The following PCDHGC5 variants were observed in gnomAD, a reference collection of about 807,000 sequenced individuals.
PCDHGC5 encodes the protein protocadherin gamma subfamily C, 5, also known as protocadherin gamma-C5.
In PCDHGC5, 25 loss-of-function variants were observed where a neutral mutation model predicts 59.0. The ratio of observed to expected loss-of-function variants is 0.42; its 90% CI spans 0.31 to 0.59. The LOEUF is 0.59. PCDHGC5 is among the 20% of genes least tolerant of loss of function. The pLI, the probability that PCDHGC5 is intolerant of heterozygous loss-of-function variation, is 0.13. For missense variants in PCDHGC5, 1,067 were observed against 1,206.4 expected, an observed-to-expected ratio of 0.88 and a Z score of 1.71; for synonymous variants, 434 against 505.5, an observed-to-expected ratio of 0.86 and a Z score of 1.90.
In PCDHGC5 at chr5:141,512,848, G is replaced by C. The variant is rs1362051688; in HGVS notation, c.*1675G>C. The C allele has an allele frequency of 6.6e-6, 1 of 152,216 alleles. No individual in the cohort carries two copies. 9.4% of individuals were successfully genotyped at this position (152,216 alleles called of 1,614,324 possible). ...CCCCGTACTGACTTCTCCTATAAGC[G>C]CTTCTCTTCGCATAGTCACGTAGCT... On this transcript the variant is annotated 3_prime_UTR_variant, in exon 4 of 4. Transcript: ENST00000252087.
At position 141,491,422 on chromosome 5, in the gene PCDHGC5, G is replaced by T. The variant is rs1413549196; in HGVS notation, c.2182G>T (p.Gly728Trp). 1 of 1,614,112 alleles carries T rather than the reference G, an allele frequency of 6.2e-7. No homozygotes were observed. The stretch of plus-strand genomic sequence containing the variant: ...AAACGCAGACGGGGACGGGGGTGGA[G>T]GGCAGTGCTGCAGGCGCCAGGACTC... ...QGNADGDGGG[G>W]QCCRRQDSPS... The change falls in exon 1 of 4, where the codon GGG (glycine) becomes TGG (tryptophan). Residue 728 changes from glycine to tryptophan, a missense_variant. Physicochemically the swap from Gly to Trp is radical, Grantham distance 184 (BLOSUM62 -2). Coordinates refer to ENST00000252087, the MANE Select transcript of PCDHGC5 (RefSeq NM_018929.3). The surrounding 1 kb of genome is among the most constrained non-coding windows in gnomAD (Gnocchi z 6.9).
chr5:141,511,358 G>T lies in PCDHGC5; in HGVS notation c.*185G>T, dbSNP rs905197337. 1.5e-6 allele frequency: 2 copies of T among 1,355,398 alleles called. No homozygotes were observed. Among genetic ancestry groups the T allele is most frequent in the East Asian group, 2.5e-5 (1 of 39,588 alleles). The allele number at this position is 1,355,398 out of a possible 1,614,324, so 84.0% of individuals were successfully genotyped here. ...GCACCTACCCCTTCCCCCCCAGGGGGTTGAATATGCAAAAGCAGTTCCGCT... is the reference window on the plus strand; with the variant it reads ...GCACCTACCCCTTCCCCCCCAGGGGTTTGAATATGCAAAAGCAGTTCCGCT... On this transcript the variant is annotated 3_prime_UTR_variant, in exon 4 of 4. Coordinates refer to ENST00000252087, the MANE Select transcript of PCDHGC5 (RefSeq NM_018929.3).
At position 141,490,516 on chromosome 5, in the gene PCDHGC5, G is replaced by T. The variant is rs768123119; in HGVS notation, c.1276G>T (p.Ala426Ser). The T allele has an allele frequency of 6.2e-7, 1 of 1,613,828 alleles. No individual in the cohort carries two copies. The highest frequency in any genetic ancestry group is 2.2e-5 in the East Asian group (1 of 44,864). The change falls in exon 1 of 4, where the codon GCC (alanine) becomes TCC (serine). Residue 426 changes from alanine to serine, a missense_variant. Transcript: ENST00000252087. This position sits in a 1 kb window ranked among gnomAD's most constrained non-coding sequence, Gnocchi z 5.4. ...ATSHYIIELL[A>S]SDAGSPSLHK... ...ATCCCACTATATCATCGAGCTGCTG[G>T]CCAGCGATGCTGGTTCACCTTCCCT... is the stretch of plus-strand genomic sequence containing the variant.
rs1310725827 is a variant in PCDHGC5, at chr5:141,500,934, T to C, written c.2520-4459T>C. The stretch of plus-strand genomic sequence containing the variant: ...TCCAGGCTGGGGTGCAGTGGCGCCA[T>C]CTCGGCTCACTGCAAGCTCCACCTC... On this transcript the variant is annotated intron_variant, in intron 2 of 3. Transcript: ENST00000252087. 5.9e-5 allele frequency among the ~76,000 whole-genome samples: 9 copies of C among 151,906 alleles called. 1 individual carries two copies. Among genetic ancestry groups the C allele is most frequent in the Non-Finnish European group, 1.3e-4 (9 of 68,020 alleles).
At position 141,505,629 on chromosome 5, in the gene PCDHGC5, C is replaced by T. The variant is rs1475582931; in HGVS notation, c.2608+148C>T. 7.4e-6 allele frequency: 11 copies of T among 1,482,192 alleles called. No individual in the cohort carries two copies. The African/African-American group carries it at 9.8e-5, about 13-fold the overall frequency. The allele number at this position is 1,482,192 out of a possible 1,614,324, so 91.8% of individuals were successfully genotyped here. ...GTCTGAAAGGACCCACAATTCCAAACATAAAGCCTGGAATTGTGGCTAAGG... is the reference window on the plus strand; with the variant it reads ...GTCTGAAAGGACCCACAATTCCAAATATAAAGCCTGGAATTGTGGCTAAGG... On this transcript the variant is annotated intron_variant, in intron 3 of 3. Coordinates refer to ENST00000252087, the MANE Select transcript of PCDHGC5 (RefSeq NM_018929.3).
At chr5:141,506,191 C>T (rs932500250) in intron 3 of PCDHGC5, among the ~76,000 whole-genome samples, 8 of 152,182 alleles carry the variant, frequency 5.3e-5, no homozygotes, top group African/African-American at 1.9e-4. Flanking sequence ...TGGCTCACGC[C>T]TGTAATCCCA....
Position 141,512,738 on chromosome 5 carries a change from C to A in PCDHGC5, c.*1565C>A, listed in dbSNP as rs1350606944. 2 of 152,840 alleles carry A rather than the reference C, an allele frequency of 1.3e-5. No individual in the cohort carries two copies. The highest frequency in any genetic ancestry group is 2.1e-4 in the South Asian group (1 of 4,838). The allele number at this position is 152,840 out of a possible 1,614,324, so 9.5% of individuals were successfully genotyped here. A position where few individuals can be genotyped will look rare whatever the true frequency, so the allele number is the denominator to read the frequency against. On this transcript the variant is annotated 3_prime_UTR_variant, in exon 4 of 4. Transcript: ENST00000252087. ...TGGCGGGTGGGCAGCGGGCGGCGGG[C>A]TCCGCGCAGCCGTCTGTCCTTGATC...
At chr5:141,496,698 C>T (rs2099770595) in intron 2 of PCDHGC5, among the ~76,000 whole-genome samples, 1 of 152,196 alleles carries the variant, frequency 6.6e-6, no homozygotes, top group Non-Finnish European at 1.5e-5. Context: ...CCAACCTTCT[C>T]ATAAGTTATC....
chr5:141,505,925 C>T (rs1161562658), intron 3 of PCDHGC5, among the ~76,000 whole-genome samples: 4 of 152,140 alleles, frequency 2.6e-5, no homozygotes, highest in Admixed American at 1.3e-4. Context: ...CTGGGCCTGG[C>T]GCTTGGAAGC....
At position 141,491,765 on chromosome 5, in the gene PCDHGC5, A is replaced by C; in HGVS notation, c.2460+65A>C. 1 of 1,569,230 alleles carries C rather than the reference A, an allele frequency of 6.4e-7. No homozygotes were observed. On this transcript the variant is annotated intron_variant, in intron 1 of 3. Coordinates refer to ENST00000252087, the MANE Select transcript of PCDHGC5 (RefSeq NM_018929.3). This position sits in a 1 kb window ranked among gnomAD's most constrained non-coding sequence, Gnocchi z 6.9. The stretch of plus-strand genomic sequence containing the variant: ...GGCACTGGAGAAGCCGCCCGTCCTC[A>C]TAAGGGATTGAACTTGCATCCACTC...
chr5:141,497,326 T>C (rs1021730142), intron 2 of PCDHGC5, among the ~76,000 whole-genome samples: 1 of 152,060 alleles, frequency 6.6e-6, no homozygotes, highest in Non-Finnish European at 1.5e-5. Flanking sequence ...TGAAGCAGAA[T>C]TCACCATTGA....
chr5:141,505,794 G>A (rs1423502957), intron 3 of PCDHGC5, among the ~76,000 whole-genome samples: 1 of 152,142 alleles, frequency 6.6e-6, no homozygotes, highest in East Asian at 1.9e-4. Context: ...CTATCCTTGG[G>A]ACTTGGATCG....
chr5:141,511,010 A>G lies in PCDHGC5; in HGVS notation c.2672A>G (p.Tyr891Cys), dbSNP rs1286219897. 6.2e-6 allele frequency: 10 copies of G among 1,614,054 alleles called. No homozygotes were observed. Among genetic ancestry groups the G allele is most frequent in the African/African-American group, 1.3e-5 (1 of 74,916 alleles). Residue 891 changes from tyrosine to cysteine, a missense_variant, in exon 4 of 4, where the codon TAC becomes TGC. By Grantham distance (194) the Tyr-to-Cys change is radical (BLOSUM62 -2). Coordinates refer to ENST00000252087, the MANE Select transcript of PCDHGC5 (RefSeq NM_018929.3). ...GGCACCATGGGATTGAGCGCCCGCT[A>G]CGGACCCCAGTTCACCCTGCAGCAC... Reference protein sequence around the residue: ...GAGTMGLSARYGPQFTLQHVP... With the variant: ...GAGTMGLSARCGPQFTLQHVP...
rs771162532 is a variant in PCDHGC5, at chr5:141,491,756, C to A, written c.2460+56C>A. On this transcript the variant is annotated intron_variant, in intron 1 of 3. Transcript: ENST00000252087. The surrounding 1 kb of genome is among the most constrained non-coding windows in gnomAD (Gnocchi z 6.9). ...CCTGGGGGCGGCACTGGAGAAGCCGCCCGTCCTCATAAGGGATTGAACTTG... is the reference window on the plus strand; with the variant it reads ...CCTGGGGGCGGCACTGGAGAAGCCGACCGTCCTCATAAGGGATTGAACTTG... The A allele has an allele frequency of 6.3e-7, 1 of 1,581,720 alleles. No individual in the cohort carries two copies. Among genetic ancestry groups the A allele is most frequent in the Middle Eastern group, 1.7e-4 (1 of 5,958 alleles).
rs2099692694 is a variant in PCDHGC5, at chr5:141,489,817, GAGCTGGTGCTAGAGCAGC to G, written c.584_601del (p.Val195_Leu200del). On this transcript the variant is annotated inframe_deletion, in exon 1 of 4. Transcript: ENST00000252087. This position sits in a 1 kb window ranked among gnomAD's most constrained non-coding sequence, Gnocchi z 4.5. ...CCTAAAAGATGGGAAGCCATTCCCA[GAGCTGGTGCTAGAGCAGC>G]AGCTGGATCGTGAAGCCCAGGCAAG... 6 of 1,613,992 alleles carry G rather than the reference GAGCTGGTGCTAGAGCAGC, an allele frequency of 3.7e-6. No individual in the cohort carries two copies. Among genetic ancestry groups the G allele is most frequent in the Non-Finnish European group, 5.1e-6 (6 of 1,179,944 alleles).
chr5:141,511,140 C>T lies in PCDHGC5; in HGVS notation c.2802C>T (p.Asn934=). Reference sequence around the variant, plus strand: ...AGGCCCCAGCAGGTGGCAATGGCAACAAGAAGAAGTCGGGCAAGAAGGAGA... The same window carrying T: ...AGGCCCCAGCAGGTGGCAATGGCAATAAGAAGAAGTCGGGCAAGAAGGAGA... ...DGKAPAGGNG[N]KKKSGKKEKK is the part of the protein sequence containing the mutation. Residue 934 remains asparagine (N), a synonymous_variant, in exon 4 of 4, where the codon AAC becomes AAT. Transcript: ENST00000252087. The T allele has an allele frequency of 1.2e-6, 2 of 1,614,186 alleles. No homozygotes were observed. The highest frequency in any genetic ancestry group is 1.3e-5 in the African/African-American group (1 of 75,050).
At chr5:141,495,240 C>T (rs2099759761) in intron 2 of PCDHGC5, among the ~76,000 whole-genome samples, 1 of 152,182 alleles carries the variant, frequency 6.6e-6, no homozygotes, top group South Asian at 2.1e-4. Context: ...TCCATTATGA[C>T]CTGGGGCTCA....
chr5:141,490,215 G>C lies in PCDHGC5; in HGVS notation c.975G>C (p.Gln325His). 6.2e-7 allele frequency: 1 copy of C among 1,614,254 alleles called. No individual in the cohort carries two copies. Among genetic ancestry groups the C allele is most frequent in the African/African-American group, 1.3e-5 (1 of 75,078 alleles). Residue 325 changes from glutamine (Q) to histidine (H), a missense_variant, in exon 1 of 4, where the codon CAG (glutamine) becomes CAC (histidine). By Grantham distance (24) the Gln-to-His change is conservative. Coordinates refer to ENST00000252087, the MANE Select transcript of PCDHGC5 (RefSeq NM_018929.3). The surrounding 1 kb of genome is among the most constrained non-coding windows in gnomAD (Gnocchi z 5.4). ...AAATTCATGCAAGAGCCCGTGACCA[G>C]GGACAGCCTGCCATGGAGGGCCACT... is the stretch of plus-strand genomic sequence containing the variant. ...FYEIHARARD[Q>H]GQPAMEGHCV...
At position 141,491,640 on chromosome 5, in the gene PCDHGC5, T is replaced by A; in HGVS notation, c.2400T>A (p.Ala800=). 6.2e-7 allele frequency: 1 copy of A among 1,613,804 alleles called. No homozygotes were observed. Among genetic ancestry groups the A allele is most frequent in the South Asian group, 1.1e-5 (1 of 91,086 alleles). The change falls in exon 1 of 4, where the codon GCT becomes GCA. Residue 800 remains alanine (A), a synonymous_variant. Coordinates refer to ENST00000252087, the MANE Select transcript of PCDHGC5 (RefSeq NM_018929.3). This position sits in a 1 kb window ranked among gnomAD's most constrained non-coding sequence, Gnocchi z 6.9. ...CCCTCAGCGTTCAGCAGCCCACAGC[T>A]CTGGCGCTGGAGCCTGACGCCATCC... ...LRPLSVQQPT[A]LALEPDAIRS...
Sources: allele counts gnomAD v4.1 joint callset (sites outside exome capture counted in the v4.1 genomes callset), GRCh38; gene constraint gnomAD v4.1.1; non-coding constraint Gnocchi (gnomAD v3.1); transcripts MANE v1.5; gene names NCBI Gene and HGNC (gene_info 2026-07-23, HGNC 2026-07-21).